Variants in COL8A2 observed in about 807,000 individuals in gnomAD.
COL8A2 encodes the protein collagen alpha-2(VIII) chain.
COL8A2 carries 16 observed loss-of-function variants against 24.0 expected under a neutral mutation model. The ratio of observed to expected loss-of-function variants is 0.67; its 90% confidence interval spans 0.45 to 1.01. The LOEUF (loss-of-function observed/expected upper bound fraction) is 1.01, where lower values mean the gene tolerates loss of function less well. Among genes scored for constraint, COL8A2 ranks in the 50% least tolerant of loss-of-function variants. The probability of loss-of-function intolerance (pLI) is 0.00; values close to 1 mark genes in which losing one functional copy is unlikely to be tolerated. For missense variants in COL8A2, 818 were observed against 942.4 expected, an observed-to-expected ratio of 0.87 and a Z score of 1.73; for synonymous variants, 466 against 424.5, an observed-to-expected ratio of 1.10 and a Z score of -1.20.
intron 1 of COL8A2, among the ~76,000 whole-genome samples, chr1:36,120,352 C>T (rs1002165086): frequency 1.3e-5 from 2 of 152,050 alleles, no homozygotes. Context: ...ACTAGGGAGG[C>T]TGAAGCAGGA....
chr1:36,100,069 C>G lies in COL8A2; in HGVS notation c.174G>C (p.Glu58Asp), dbSNP rs201295873. The G allele has an allele frequency of 1.5e-5, 24 of 1,611,792 alleles. No individual in the cohort carries two copies. In the South Asian group the frequency reaches 2.4e-4, roughly 16 times the overall value. ...TCTCACCCAGGTACTGGCCTTTGCCCTCACGGAAGGGCGGTCCCACAGGTC... is the reference window on the plus strand; with the variant it reads ...TCTCACCCAGGTACTGGCCTTTGCCGTCACGGAAGGGCGGTCCCACAGGTC... The part of the protein sequence containing the change: ...QKGPVGPPFR[E>D]GKGQYLEMPL... The change falls in exon 3 of 4, where the codon GAG (glutamate) becomes GAC (aspartate). Residue 58 changes from glutamate (E) to aspartate (D), a missense_variant. By Grantham distance (45) the Glu-to-Asp change is conservative. Transcript: ENST00000397799.
intron 1 of COL8A2, among the ~76,000 whole-genome samples, chr1:36,117,861 TAA>T (rs201764026): frequency 2.6e-4 from 35 of 135,514 alleles, no homozygotes; most frequent in Non-Finnish European, 2.1e-4. Context: ...CCCCATCTCT[TAA>T]AAAAAAAAAA....
At chr1:36,121,865 C>T (rs1163515142) in intron 1 of COL8A2, among the ~76,000 whole-genome samples, 1 of 152,132 alleles carries the variant, frequency 6.6e-6, no homozygotes, top group African/African-American at 2.4e-5. Context: ...GCCGTGTGAC[C>T]TCAGGTGAGT....
At chr1:36,104,887 C>T (rs184002636) in intron 2 of COL8A2, among the ~76,000 whole-genome samples, 305 of 152,220 alleles carry the variant, frequency 2.0e-3, no homozygotes, top group African/African-American at 7.1e-3. Flanking sequence ...AGATTTTGCA[C>T]CTGGCTCAGA....
At chr1:36,120,765 T>TAG (rs1234289891) in intron 1 of COL8A2, among the ~76,000 whole-genome samples, 1 of 78,290 alleles carries the variant, frequency 1.3e-5, no homozygotes, top group Non-Finnish European at 2.6e-5. Context: ...AAAAAAAAAA[T>TAG]AGAGAGAGAG....
In COL8A2 at chr1:36,098,380, C is replaced by T. The variant is rs201235688; in HGVS notation, c.1301G>A (p.Arg434His). ...GPKGEPGFTGRPGGPGVAGAL... is the reference protein window; with the variant it reads ...GPKGEPGFTGHPGGPGVAGAL... The stretch of plus-strand genomic sequence containing the variant: ...TCCTGCCACCCCTGGTCCTCCAGGG[C>T]GACCCGTGAAACCCGGCTCACCCTT... The change falls in exon 4 of 4, where the codon CGC (arginine) becomes CAC (histidine). Residue 434 changes from arginine (R) to histidine (H), a missense_variant. Transcript: ENST00000397799. The T allele has an allele frequency of 1.3e-3, 2,001 of 1,558,422 alleles. 4 individuals carry two copies. The highest frequency in any genetic ancestry group is 1.5e-3 in the Admixed American group (80 of 52,882).
chr1:36,107,368 C>A (rs1643776404), intron 2 of COL8A2, among the ~76,000 whole-genome samples: 1 of 151,636 alleles, frequency 6.6e-6, no homozygotes, highest in South Asian at 2.1e-4. Context: ...TGCACCACTG[C>A]ACTCCAGCCT....
At chr1:36,122,622 G>A (rs906521492) in intron 1 of COL8A2, among the ~76,000 whole-genome samples, 13 of 151,926 alleles carry the variant, frequency 8.6e-5, no homozygotes, top group Admixed American at 2.6e-4. Flanking sequence ...ATCGCCAACC[G>A]GCTTACTCCT....
chr1:36,122,678 A>G (rs1244676659), intron 1 of COL8A2, among the ~76,000 whole-genome samples: 2 of 151,724 alleles, frequency 1.3e-5, no homozygotes, highest in African/African-American at 4.8e-5. Flanking sequence ...CGCCCACTTC[A>G]TCCCCCGTCA....
intron 2 of COL8A2, among the ~76,000 whole-genome samples, chr1:36,105,776 G>T (rs1643750141): frequency 6.6e-6 from 1 of 151,770 alleles, no homozygotes; most frequent in African/African-American, 2.4e-5. Context: ...GTGAAACTCT[G>T]TCTCTACCAA....
intron 2 of COL8A2, among the ~76,000 whole-genome samples, chr1:36,103,113 G>C (rs1185401523): frequency 6.6e-6 from 1 of 152,026 alleles, no homozygotes; most frequent in Non-Finnish European, 1.5e-5. Context: ...CTCCCAAGTA[G>C]CTGGGACAAC....
Position 36,115,597 on chromosome 1 carries a change from G to A in COL8A2, c.-17+111C>T. ...AAGGGGTGGCTCACAGGACTCTCTGGGCCTGGGAGGGGCTTCCGGTGCAGC... is the reference window on the plus strand; with the variant it reads ...AAGGGGTGGCTCACAGGACTCTCTGAGCCTGGGAGGGGCTTCCGGTGCAGC... On this transcript the variant is annotated intron_variant, in intron 2 of 3. Coordinates refer to ENST00000397799, the MANE Select transcript of COL8A2 (RefSeq NM_005202.4). The surrounding 1 kb of genome is among the most constrained non-coding windows in gnomAD (Gnocchi z 5.7). 3 of 535,120 alleles carry A rather than the reference G, an allele frequency of 5.6e-6. No individual in the cohort carries two copies. Among genetic ancestry groups the A allele is most frequent in the Non-Finnish European group, 7.2e-6 (3 of 418,346 alleles). 33.1% of individuals were successfully genotyped at this position (535,120 alleles called of 1,614,324 possible). A position where few individuals can be genotyped will look rare whatever the true frequency, so the allele number is the denominator to read the frequency against.
Position 36,098,725 on chromosome 1 carries a change from C to A in COL8A2, c.956G>T (p.Gly319Val). Residue 319 changes from glycine to valine, a missense_variant, in exon 4 of 4, where the codon GGA becomes GTA. Coordinates refer to ENST00000397799, the MANE Select transcript of COL8A2 (RefSeq NM_005202.4). ...LIGPTGYGMP[G>V]LPGPKGDRGP... is the part of the protein sequence containing the mutation. Reference sequence around the variant, plus strand: ...CCTGTCCCCCTTGGGGCCTGGCAGTCCTGGCATCCCATAGCCAGTGGGGCC... The same window carrying A: ...CCTGTCCCCCTTGGGGCCTGGCAGTACTGGCATCCCATAGCCAGTGGGGCC... The A allele has an allele frequency of 6.2e-7, 1 of 1,610,850 alleles. No homozygotes were observed. The highest frequency in any genetic ancestry group is 2.2e-5 in the East Asian group (1 of 44,798).
intron 1 of COL8A2, among the ~76,000 whole-genome samples, chr1:36,122,110 A>G (rs959398347): frequency 6.6e-6 from 1 of 152,154 alleles, no homozygotes; most frequent in Non-Finnish European, 1.5e-5. Flanking sequence ...CCAGGGTCCA[A>G]CCAGAGAGGC....
At chr1:36,119,782 G>T (rs111455493) in intron 1 of COL8A2, among the ~76,000 whole-genome samples, 17 of 152,306 alleles carry the variant, frequency 1.1e-4, no homozygotes, top group Admixed American at 6.5e-4. Context: ...CAAAGAGTTG[G>T]CCACCTGGGA....
rs190651 is a variant in COL8A2 at position 36,123,802 on chromosome 1, A to G, written c.-62+1255T>C. On this transcript the variant is annotated intron_variant, in intron 1 of 3. Coordinates refer to ENST00000397799, the MANE Select transcript of COL8A2 (RefSeq NM_005202.4). This position sits in a 1 kb window ranked among gnomAD's most constrained non-coding sequence, Gnocchi z 4.1. ...ATGTCTGTGGTTTCTCCTCATTATC[A>G]TCTAGGGTCATTGTGTGTCCAAGGG... is the stretch of plus-strand genomic sequence containing the variant. 0.038 allele frequency among the ~76,000 whole-genome samples: 5,752 copies of G among 152,134 alleles called. 373 individuals carry two copies. The highest frequency in any genetic ancestry group is 0.13 in the African/African-American group (5,398 of 41,480).
At chr1:36,105,060 G>A (rs1057156673) in intron 2 of COL8A2, among the ~76,000 whole-genome samples, 8 of 152,126 alleles carry the variant, frequency 5.3e-5, no homozygotes, top group Non-Finnish European at 8.8e-5. Context: ...GGTTGTGGGC[G>A]TCTGGGGATG....
Position 36,097,803 on chromosome 1 carries a change from C to T in COL8A2, c.1878G>A (p.Val626=), listed in dbSNP as rs981464774. ...CCCACACGTTGGTGCCCTTGACGTG[C>T]ACATGGTAAGCAAAGTAGTAGACGC... is the stretch of plus-strand genomic sequence containing the variant. The part of the protein sequence containing the change: ...VGGVYYFAYH[V]HVKGTNVWVA... The change falls in exon 4 of 4, where the codon GTG becomes GTA. Residue 626 remains valine, a synonymous_variant. Transcript: ENST00000397799. 6.2e-7 allele frequency: 1 copy of T among 1,613,746 alleles called. No individual in the cohort carries two copies. Among genetic ancestry groups the T allele is most frequent in the South Asian group, 1.1e-5 (1 of 91,092 alleles).
In COL8A2 at chr1:36,097,752, C is replaced by T. The variant is rs765161350; in HGVS notation, c.1929G>A (p.Pro643=). The change falls in exon 4 of 4, where the codon CCG becomes CCA. Residue 643 remains proline, a synonymous_variant. Transcript: ENST00000397799. ...VWVALYKNNV[P]ATYTYDEYKK... is the part of the protein sequence containing the mutation. ...TGTACTCATCGTAGGTATAGGTGGC[C>T]GGCACGTTGTTCTTGTACAGGGCCA... is the stretch of plus-strand genomic sequence containing the variant. 1.1e-5 allele frequency: 18 copies of T among 1,613,764 alleles called. No individual in the cohort carries two copies. The highest frequency in any genetic ancestry group is 3.3e-5 in the South Asian group (3 of 91,080).
Sources: allele counts gnomAD v4.1 joint callset (sites outside exome capture counted in the v4.1 genomes callset), GRCh38; gene constraint gnomAD v4.1.1; non-coding constraint Gnocchi (gnomAD v3.1); transcripts MANE v1.5; gene names NCBI Gene and HGNC (gene_info 2026-07-23, HGNC 2026-07-21).